Variants in FSTL4 observed in about 807,000 individuals in gnomAD.
FSTL4 encodes the protein follistatin-related protein 4.
In FSTL4, 28 loss-of-function variants were observed where a neutral mutation model predicts 78.2. The observed-to-expected ratio is 0.36, with a 90% CI of 0.27 to 0.49. The LOEUF (loss-of-function observed/expected upper bound fraction) is 0.49, where lower values mean the gene tolerates loss of function less well. FSTL4 is among the 20% of genes least tolerant of loss of function. The pLI, the probability that FSTL4 is intolerant of heterozygous loss-of-function variation, is 0.98. For synonymous variants in FSTL4, 422 were observed against 440.5 expected (o/e 0.96, Z 0.53); for missense variants, 922 against 1,084.9 (o/e 0.85, Z 2.11).
intron 3 of FSTL4, among the ~76,000 whole-genome samples, chr5:133,480,694 G>A (rs545670248): frequency 1.3e-5 from 2 of 152,138 alleles, no homozygotes; most frequent in East Asian, 3.9e-4. Flanking sequence ...TCTCCCCAGC[G>A]AGGCCTCTGG....
chr5:133,672,000 C>T, the FSTL4 span, among the ~76,000 whole-genome samples: 1 of 152,088 alleles, frequency 6.6e-6, no homozygotes, highest in Non-Finnish European at 1.5e-5. Context: ...CTATTTATTC[C>T]TAATTAGATG....
At chr5:133,464,025 G>T (rs1230151820) in intron 3 of FSTL4, among the ~76,000 whole-genome samples, 1 of 152,214 alleles carries the variant, frequency 6.6e-6, no homozygotes, top group Non-Finnish European at 1.5e-5. Flanking sequence ...CACCTCCCAA[G>T]GTGACAGTCC....
chr5:133,337,150 C>A (rs149648365), intron 4 of FSTL4, among the ~76,000 whole-genome samples: 2 of 152,250 alleles, frequency 1.3e-5, no homozygotes, highest in Admixed American at 1.3e-4. Flanking sequence ...AGCCCCCAAC[C>A]TGCCCTTGCA....
In FSTL4 at chr5:133,478,491, G is replaced by A. The variant is rs573409518; in HGVS notation, c.161-77505C>T. Among the ~76,000 whole-genome samples the A allele has an allele frequency of 5.4e-4, 83 of 152,308 alleles. 1 individual carries two copies. The highest frequency in any genetic ancestry group is 2.0e-3 in the African/African-American group (83 of 41,570). ...CAGGAGAGAGCCTTATTTTGCTGTA[G>A]TTGTTAGAATGCATTCCCCATATTA... On this transcript the variant is annotated intron_variant, in intron 3 of 15. Coordinates refer to ENST00000265342, the MANE Select transcript of FSTL4 (RefSeq NM_015082.2).
rs569233778 is a variant in FSTL4, at chr5:133,469,016, T to C, written c.161-68030A>G. 2.6e-5 allele frequency among the ~76,000 whole-genome samples: 4 copies of C among 152,190 alleles called. No individual in the cohort carries two copies. In the South Asian group the frequency reaches 8.3e-4, roughly 32 times the overall value. ...GAAAGGCAGGTATAATTACTCTTAA[T>C]TGCAAAAACCACAATTACTTTTGCA... is the stretch of plus-strand genomic sequence containing the variant. On this transcript the variant is annotated intron_variant, in intron 3 of 15. Coordinates refer to ENST00000265342, the MANE Select transcript of FSTL4 (RefSeq NM_015082.2).
intron 3 of FSTL4, among the ~76,000 whole-genome samples, chr5:133,489,798 A>C (rs1172009728): frequency 6.6e-6 from 1 of 152,148 alleles, no homozygotes; most frequent in Non-Finnish European, 1.5e-5. Flanking sequence ...GACAAAAGAC[A>C]AGGAGACACT....
intron 2 of FSTL4, among the ~76,000 whole-genome samples, chr5:133,581,680 C>A (rs1376228359): frequency 1.3e-5 from 2 of 152,254 alleles, no homozygotes; most frequent in Non-Finnish European, 2.9e-5. Flanking sequence ...ATAGGCTAAC[C>A]CAGCAGTTCT....
chr5:133,248,384 C>A (rs1002166096), intron 7 of FSTL4: 10 of 152,206 alleles, frequency 6.6e-5, no homozygotes, highest in African/African-American at 2.4e-4. Context: ...GCCAACAAGG[C>A]TAAGGCTGCC....
intron 4 of FSTL4, among the ~76,000 whole-genome samples, chr5:133,354,581 C>T (rs1195584363): frequency 2.0e-5 from 3 of 152,188 alleles, no homozygotes; most frequent in African/African-American, 2.4e-5. Flanking sequence ...AATGAGACCA[C>T]GTAAGCTCCT....
intron 3 of FSTL4, among the ~76,000 whole-genome samples, chr5:133,506,002 G>C (rs560203224): frequency 3.9e-5 from 6 of 152,220 alleles, no homozygotes; most frequent in Non-Finnish European, 8.8e-5. Flanking sequence ...CAGTGGGCAA[G>C]TAGGCTGCCT....
intron 6 of FSTL4, among the ~76,000 whole-genome samples, chr5:133,311,043 C>T (rs779966362): frequency 3.3e-5 from 5 of 152,166 alleles, no homozygotes; most frequent in Non-Finnish European, 7.4e-5. Context: ...GTCCCCCCTT[C>T]CCCTTTTTGG....
At chr5:133,666,907 T>C in the FSTL4 span, among the ~76,000 whole-genome samples, 1 of 152,236 alleles carries the variant, frequency 6.6e-6, no homozygotes, top group South Asian at 2.1e-4. Flanking sequence ...TTCCCTGGTA[T>C]CTGAATTATA....
intron 6 of FSTL4, among the ~76,000 whole-genome samples, chr5:133,255,180 G>A (rs1752354345): frequency 6.6e-6 from 1 of 152,226 alleles, no homozygotes; most frequent in African/African-American, 2.4e-5. Flanking sequence ...AGAGGGCTCA[G>A]CCAGACGCTG....
intron 7 of FSTL4, among the ~76,000 whole-genome samples, chr5:133,246,370 G>GC (rs887857756): frequency 6.6e-6 from 1 of 152,196 alleles, no homozygotes. Flanking sequence ...CCTGGCTTTA[G>GC]CCCCCTTCAG....
At chr5:133,810,907 C>T in the FSTL4 span, among the ~76,000 whole-genome samples, 68 of 152,344 alleles carry the variant, frequency 4.5e-4, no homozygotes, top group African/African-American at 1.5e-3. Context: ...TTCACCTGCG[C>T]AAGCTTCCAG....
At chr5:133,801,505 C>G in the FSTL4 span, among the ~76,000 whole-genome samples, 1 of 152,212 alleles carries the variant, frequency 6.6e-6, no homozygotes, top group East Asian at 1.9e-4. Flanking sequence ...TCCGTACCAC[C>G]TCTGCCGCTT....
chr5:133,772,607 G>A, the FSTL4 span, among the ~76,000 whole-genome samples: 4 of 152,156 alleles, frequency 2.6e-5, no homozygotes, highest in African/African-American at 9.7e-5. Context: ...CCTAGAGAGA[G>A]CCTTTTTGCT....
chr5:133,230,557 C>T (rs1163200426), intron 8 of FSTL4, among the ~76,000 whole-genome samples: 1 of 152,202 alleles, frequency 6.6e-6, no homozygotes, highest in East Asian at 1.9e-4. Context: ...GAGATGCACC[C>T]TCTGCTGGTC....
Position 133,298,845 on chromosome 5 carries a change from C to G in FSTL4, c.727+13809G>C, listed in dbSNP as rs116385593. On this transcript the variant is annotated intron_variant, in intron 6 of 15. Coordinates refer to ENST00000265342, the MANE Select transcript of FSTL4 (RefSeq NM_015082.2). Reference sequence around the variant, plus strand: ...ACATCTTCATCTGAGGATCAGGAACCGGGGCTGGAGACCAGGAGGCCAGTC... The same window carrying G: ...ACATCTTCATCTGAGGATCAGGAACGGGGGCTGGAGACCAGGAGGCCAGTC... Among the ~76,000 whole-genome samples, 47 of 142,182 alleles carry G rather than the reference C, an allele frequency of 3.3e-4. No individual in the cohort carries two copies. The East Asian group carries it at 9.0e-3, about 27-fold the overall frequency. The allele number at this position is 142,182 out of a possible 152,430, so 93.3% of individuals were successfully genotyped here.
Sources: gnomAD v4.1 joint callset for allele counts (sites outside exome capture counted in the v4.1 genomes callset) on GRCh38, gnomAD v4.1.1 for gene constraint, MANE v1.5 for transcripts, NCBI Gene and HGNC (gene_info 2026-07-23, HGNC 2026-07-21) for gene names.